The following ZNF263 variants were observed in gnomAD, a reference collection of about 807,000 sequenced individuals.
The protein encoded by ZNF263 is zinc finger protein FPM315.
A neutral mutation model predicts 63.1 loss-of-function variants in ZNF263; 49 were observed. The ratio of observed to expected loss-of-function variants is 0.78; its 90% confidence interval spans 0.62 to 0.99. ZNF263 has a LOEUF of 0.99. Among genes scored for constraint, ZNF263 ranks in the 50% least tolerant of loss-of-function variants. The probability of loss-of-function intolerance (pLI) is 0.00; values close to 1 mark genes in which losing one functional copy is unlikely to be tolerated. For synonymous variants in ZNF263, 352 were observed against 324.2 expected, an observed-to-expected ratio of 1.09 and a Z score of -0.92; for missense variants, 872 against 854.8, an observed-to-expected ratio of 1.02 and a Z score of -0.25.
At position 3,290,412 on chromosome 16, in the gene ZNF263, T is replaced by C. The variant is rs777971924; in HGVS notation, c.1906T>C (p.Cys636Arg). 3 of 1,614,056 alleles carry C rather than the reference T, an allele frequency of 1.9e-6. No homozygotes were observed. Among genetic ancestry groups the C allele is most frequent in the Non-Finnish European group, 2.5e-6 (3 of 1,180,024 alleles). The change falls in exon 6 of 6, where the codon TGC becomes CGC. Residue 636 changes from cysteine (C) to arginine (R), a missense_variant. Transcript: ENST00000219069. ...TGEKPYTCHE[C>R]GDSFSHSSNR... ...AGAAAAACCCTATACCTGTCATGAG[T>C]GCGGAGACAGCTTCTCTCACAGCTC...
At position 3,290,928 on chromosome 16, in the gene ZNF263, C is replaced by A. The variant is rs890999779; in HGVS notation, c.*370C>A. The A allele has an allele frequency of 6.9e-6, 7 of 1,009,752 alleles. No homozygotes were observed. The African/African-American group carries it at 1.0e-4, about 15-fold the overall frequency. 62.5% of individuals were successfully genotyped at this position (1,009,752 alleles called of 1,614,324 possible). A position where few individuals can be genotyped will look rare whatever the true frequency, so the allele number is the denominator to read the frequency against. On this transcript the variant is annotated 3_prime_UTR_variant, in exon 6 of 6. Transcript: ENST00000219069. ...TGTGATGTTTTTGATACTTCTTCCTCATTTGGGACATTCAGTAGGAGCATT... is the reference window on the plus strand; with the variant it reads ...TGTGATGTTTTTGATACTTCTTCCTAATTTGGGACATTCAGTAGGAGCATT...
chr16:3,300,275 A>T lies in ZNF263; in HGVS notation c.*47-638A>T, dbSNP rs553358260. On this transcript the variant is annotated intron_variant, in intron 2 of 2. Coordinates refer to the ZNF263 transcript ENST00000574674. ...CTAGCTTTGAAATCTGTTCGCCCAA[A>T]ACACCGTGCAAATCTCTCTGCAGCA... The T allele has an allele frequency of 5.6e-6, 9 of 1,614,178 alleles. No individual in the cohort carries two copies. The East Asian group carries it at 2.0e-4, about 36-fold the overall frequency.
intron 2 of ZNF263, 125 bp from the exon 3 acceptor site, chr16:3,285,554 CTG>C (rs1959315822): frequency 5.3e-6 from 5 of 936,850 alleles, no homozygotes; most frequent in African/African-American, 1.6e-5. Flanking sequence ...GATTAGGCCT[CTG>C]TGCAGTTTAG....
At position 3,286,078 on chromosome 16, in the gene ZNF263, A is replaced by T; in HGVS notation, c.698A>T (p.His233Leu). 1 of 1,612,462 alleles carries T rather than the reference A, an allele frequency of 6.2e-7. No homozygotes were observed. The highest frequency in any genetic ancestry group is 8.5e-7 in the Non-Finnish European group (1 of 1,179,454). Residue 233 changes from histidine to leucine, a missense_variant, in exon 4 of 6, where the codon CAT becomes CTT. Physicochemically the swap from His to Leu is moderately conservative, Grantham distance 99. Coordinates refer to ENST00000219069, the MANE Select transcript of ZNF263 (RefSeq NM_005741.5). ...TACATCTCCCAGGAGGAGTGGGGGCATCAGGATCCTAGTAAGAGGGCCCTC... is the reference window on the plus strand; with the variant it reads ...TACATCTCCCAGGAGGAGTGGGGGCTTCAGGATCCTAGTAAGAGGGCCCTC... ...AMYISQEEWG[H>L]QDPSKRALSR...
chr16:3,300,493 G>A lies in ZNF263; in HGVS notation c.*47-420G>A, dbSNP rs770816655. Reference sequence around the variant, plus strand: ...CTTATTTTTTTTAATGTCATAAAATGTTGACTTACTGATTCCAAATTCATC... The same window carrying A: ...CTTATTTTTTTTAATGTCATAAAATATTGACTTACTGATTCCAAATTCATC... On this transcript the variant is annotated intron_variant, in intron 2 of 2. Coordinates refer to the ZNF263 transcript ENST00000574674. 22 of 1,613,902 alleles carry A rather than the reference G, an allele frequency of 1.4e-5. No homozygotes were observed. Among genetic ancestry groups the A allele is most frequent in the Non-Finnish European group, 1.8e-5 (21 of 1,180,010 alleles).
At chr16:3,287,498 G>A (rs1053678475) in intron 4 of ZNF263, among the ~76,000 whole-genome samples, 3 of 145,164 alleles carry the variant, frequency 2.1e-5, no homozygotes, top group African/African-American at 7.7e-5. Flanking sequence ...TCCTGCCTTA[G>A]TCAGGAAGTG....
rs943002763 is a variant in ZNF263, at chr16:3,291,311, C to T, written c.*753C>T. The T allele has an allele frequency of 2.0e-6, 2 of 985,298 alleles. No individual in the cohort carries two copies. Among genetic ancestry groups the T allele is most frequent in the Non-Finnish European group, 2.4e-6 (2 of 829,930 alleles). The allele number at this position is 985,298 out of a possible 1,614,324, so 61.0% of individuals were successfully genotyped here. On this transcript the variant is annotated 3_prime_UTR_variant, in exon 6 of 6. Coordinates refer to ENST00000219069, the MANE Select transcript of ZNF263 (RefSeq NM_005741.5). Reference sequence around the variant, plus strand: ...TGAGAAAAATAAACAGCTCTGGAGTCTTGTTCCTGACTCCAGAGGAACGAG... The same window carrying T: ...TGAGAAAAATAAACAGCTCTGGAGTTTTGTTCCTGACTCCAGAGGAACGAG...
Position 3,285,713 on chromosome 16 carries a change from C to T in ZNF263, c.601C>T (p.Pro201Ser). The T allele has an allele frequency of 6.2e-7, 1 of 1,614,110 alleles. No individual in the cohort carries two copies. Among genetic ancestry groups the T allele is most frequent in the Non-Finnish European group, 8.5e-7 (1 of 1,180,022 alleles). Residue 201 changes from proline (P) to serine (S), a missense_variant, in exon 3 of 6, where the codon CCT becomes TCT. By Grantham distance (74) the Pro-to-Ser change is moderately conservative. Transcript: ENST00000219069. ...LSAPWLSLFPPEGNMEDKEMT... is the reference protein window; with the variant it reads ...LSAPWLSLFPSEGNMEDKEMT... ...TGCTCCCTGGCTTTCTCTTTTTCCT[C>T]CTGAAGGGAACATGGAAGACAAGGA...
Position 3,288,445 on chromosome 16 carries a change from T to G in ZNF263, c.770-9T>G. Reference sequence around the variant, plus strand: ...CAGTACAGAAATCTGTTTCTTTCATTGTGAACAGAGTCTCACATTCCCAGT... The same window carrying G: ...CAGTACAGAAATCTGTTTCTTTCATGGTGAACAGAGTCTCACATTCCCAGT... On this transcript the variant is annotated splice_polypyrimidine_tract_variant and intron_variant, in intron 4 of 5. Transcript: ENST00000219069. 1.2e-6 allele frequency: 2 copies of G among 1,601,988 alleles called. No homozygotes were observed. Among genetic ancestry groups the G allele is most frequent in the Non-Finnish European group, 1.7e-6 (2 of 1,170,120 alleles).
At chr16:3,287,128 A>G (rs1350510524) in intron 4 of ZNF263, among the ~76,000 whole-genome samples, 2 of 152,224 alleles carry the variant, frequency 1.3e-5, no homozygotes, top group East Asian at 3.9e-4. Context: ...AGGTTTGCCT[A>G]AAAAGTATCA....
intron 2 of ZNF263, chr16:3,300,303 C>G: frequency 6.2e-7 from 1 of 1,614,228 alleles, no homozygotes; most frequent in Non-Finnish European, 8.5e-7. Flanking sequence ...CTGCAGCAGC[C>G]TGAAGCTCCA....
rs114688859 is a variant in ZNF263, at chr16:3,300,396, C to T, written c.*47-517C>T. The T allele has an allele frequency of 8.7e-4, 1,402 of 1,614,184 alleles. 16 individuals are homozygous for T. The African/African-American group carries it at 0.016, about 19-fold the overall frequency. On this transcript the variant is annotated intron_variant, in intron 2 of 2. Transcript: ENST00000574674. ...CATCTACATCACCATATTTGGCTCC[C>T]GTTGTCCTCTTTCTCTTCTCAGCCC...
chr16:3,290,124 C>T lies in ZNF263; in HGVS notation c.1618C>T (p.His540Tyr). ...ACACCTCGTCATTCACGAAAGAACT[C>T]ATGAGAGAGAGAGACTTTACCCCTT... is the stretch of plus-strand genomic sequence containing the variant. ...SSHLVIHERT[H>Y]ERERLYPFSE... Residue 540 changes from histidine to tyrosine, a missense_variant, in exon 6 of 6, where the codon CAT (histidine) becomes TAT (tyrosine). Coordinates refer to ENST00000219069, the MANE Select transcript of ZNF263 (RefSeq NM_005741.5). The T allele has an allele frequency of 6.2e-7, 1 of 1,614,114 alleles. No individual in the cohort carries two copies. Among genetic ancestry groups the T allele is most frequent in the Non-Finnish European group, 8.5e-7 (1 of 1,180,026 alleles).
chr16:3,290,301 G>C lies in ZNF263; in HGVS notation c.1795G>C (p.Gly599Arg). 2 of 1,614,014 alleles carry C rather than the reference G, an allele frequency of 1.2e-6. No individual in the cohort carries two copies. The highest frequency in any genetic ancestry group is 1.3e-5 in the African/African-American group (1 of 74,984). ...CACCAGACATCAGAGAACACACACA[G>C]GAGAGAAACCGTATAAATGTACCCT... ...HLTRHQRTHT[G>R]EKPYKCTLCG... The change falls in exon 6 of 6, where the codon GGA (glycine) becomes CGA (arginine). Residue 599 changes from glycine to arginine, a missense_variant. Gly to Arg is a moderately radical substitution (Grantham distance 125). Transcript: ENST00000219069.
At chr16:3,297,450 C>G (rs1959782222) in intron 1 of ZNF263, among the ~76,000 whole-genome samples, 1 of 144,172 alleles carries the variant, frequency 6.9e-6, no homozygotes, top group South Asian at 2.2e-4. Context: ...ATCTCAGAAA[C>G]AGATTCTTTT....
At chr16:3,289,321 G>A (rs989881236) in intron 5 of ZNF263, 72 bp from the exon 6 acceptor site, 42 of 1,467,288 alleles carry the variant, frequency 2.9e-5, no homozygotes, top group African/African-American at 2.8e-4. Flanking sequence ...AACAGGCAGC[G>A]GCAGACAGGT....
At position 3,285,752 on chromosome 16, in the gene ZNF263, C is replaced by T. The variant is rs920200768; in HGVS notation, c.640C>T (p.Gln214Ter). Reference sequence around the variant, plus strand: ...GGAAGACAAGGAGATGACTGGGCCCCAGGTGATGTGGAAGTTTCCATTGTC... The same window carrying T: ...GGAAGACAAGGAGATGACTGGGCCCTAGGTGATGTGGAAGTTTCCATTGTC... ...NMEDKEMTGP[Q>*]LPESLEDVAM... The change falls in exon 3 of 6, where the codon CAG becomes TAG. Residue 214 changes from glutamine (Q) to a stop codon, truncating the protein, a stop_gained and splice_region_variant. Coordinates refer to ENST00000219069, the MANE Select transcript of ZNF263 (RefSeq NM_005741.5). LOFTEE classifies it high-confidence loss of function. 3.5e-5 allele frequency: 56 copies of T among 1,614,016 alleles called. No homozygotes were observed. The highest frequency in any genetic ancestry group is 4.7e-5 in the Non-Finnish European group (56 of 1,180,034).
downstream of ZNF263, among the ~76,000 whole-genome samples, chr16:3,294,731 C>T (rs761698027): frequency 6.6e-6 from 1 of 152,152 alleles, no homozygotes; most frequent in Admixed American, 6.5e-5. Context: ...TCTGATCTCC[C>T]AGTTAATGTT....
At chr16:3,293,034 G>A (rs114881384), downstream of ZNF263, 1 of 152,212 alleles carries the variant, frequency 6.6e-6, no homozygotes, top group Non-Finnish European at 1.5e-5. Context: ...TTGTACTCAT[G>A]TTTGAGAGAG....
Sources: allele counts gnomAD v4.1 joint callset (sites outside exome capture counted in the v4.1 genomes callset), GRCh38; gene constraint gnomAD v4.1.1; transcripts MANE v1.5; gene names NCBI Gene and HGNC (gene_info 2026-07-23, HGNC 2026-07-21).